The following GALNT14 variants were observed in gnomAD, a reference collection of about 807,000 sequenced individuals.
The protein encoded by GALNT14 is polypeptide N-acetylgalactosaminyltransferase 14.
GALNT14 carries 60 observed loss-of-function variants against 77.5 expected under a neutral mutation model. That is an observed-to-expected ratio of 0.77 (90% confidence interval 0.63 to 0.96). The LOEUF is 0.96. Among genes scored for constraint, GALNT14 ranks in the 40% least tolerant of loss-of-function variants. The probability of loss-of-function intolerance (pLI) is 0.00; values close to 1 mark genes in which losing one functional copy is unlikely to be tolerated. For missense variants in GALNT14, 710 were observed against 731.0 expected (o/e 0.97, Z 0.33); for synonymous variants, 280 against 281.7 (o/e 0.99, Z 0.06).
At position 30,910,956 on chromosome 2, in the gene GALNT14, A is replaced by G; in HGVS notation, c.1604T>C (p.Val535Ala). 1 of 1,613,642 alleles carries G rather than the reference A, an allele frequency of 6.2e-7. No individual in the cohort carries two copies. Among genetic ancestry groups the G allele is most frequent in the Non-Finnish European group, 8.5e-7 (1 of 1,179,956 alleles). ...CATGAGTGAGGACTCACATGGGTTG[A>G]CGACGATTTCCTTGCCGTTCTCGGT... Reference protein sequence around the residue: ...DGTENGKEIVVNPCESSLMSQ... With the variant: ...DGTENGKEIVANPCESSLMSQ... Residue 535 changes from valine (V) to alanine (A), a missense_variant, in exon 15 of 15, where the codon GTC becomes GCC. Transcript: ENST00000349752.
At chr2:31,045,883 G>A (rs866432619) in intron 1 of GALNT14, among the ~76,000 whole-genome samples, 8 of 152,074 alleles carry the variant, frequency 5.3e-5, no homozygotes, top group Admixed American at 4.6e-4. Flanking sequence ...ATCTCTGTCT[G>A]CTCTTAAGTT....
intron 1 of GALNT14, among the ~76,000 whole-genome samples, chr2:31,003,772 A>G (rs186070092): frequency 3.1e-3 from 471 of 152,320 alleles, no homozygotes; most frequent in African/African-American, 7.0e-3. Context: ...AACTGAATGG[A>G]CAGAAGCCCG....
chr2:30,970,904 T>C (rs1668310670), intron 2 of GALNT14, among the ~76,000 whole-genome samples: 1 of 152,152 alleles, frequency 6.6e-6, no homozygotes, highest in East Asian at 1.9e-4. Context: ...ACAGATGAGC[T>C]GAACTAAGGC....
chr2:31,084,477 G>T (rs1330485339), intron 1 of GALNT14, among the ~76,000 whole-genome samples: 2 of 152,222 alleles, frequency 1.3e-5, no homozygotes, highest in Admixed American at 1.3e-4. Context: ...GGCAGTTGAT[G>T]TGTCTAGCTC....
intron 1 of GALNT14, among the ~76,000 whole-genome samples, chr2:31,075,005 G>A (rs927524357): frequency 6.6e-6 from 1 of 152,208 alleles, no homozygotes; most frequent in African/African-American, 2.4e-5. Context: ...CCCAGTGTTG[G>A]AGGTGGGGCC....
chr2:30,991,467 C>T (rs188840884), intron 2 of GALNT14: 29 of 152,202 alleles, frequency 1.9e-4, no homozygotes, highest in African/African-American at 6.5e-4. Flanking sequence ...AGGAATAATA[C>T]AAGACTCTGA....
At chr2:30,906,796 C>G (rs922123520), downstream of GALNT14, among the ~76,000 whole-genome samples, 1 of 152,130 alleles carries the variant, frequency 6.6e-6, no homozygotes. Context: ...CAAAATTGAC[C>G]ACATACTTGG....
At position 30,910,717 on chromosome 2, in the gene GALNT14, CA is replaced by C; in HGVS notation, c.*183del. 1.7e-6 allele frequency: 1 copy of C among 584,596 alleles called. No individual in the cohort carries two copies. The highest frequency in any genetic ancestry group is 2.3e-5 in the South Asian group (1 of 44,260). 36.2% of individuals were successfully genotyped at this position (584,596 alleles called of 1,614,324 possible). A position where few individuals can be genotyped will look rare whatever the true frequency, so the allele number is the denominator to read the frequency against. Reference sequence around the variant, plus strand: ...ACATGTGGGATTTGTCTTTGAGCCCCATTGGCTTGTGATGTTTTCCTCTGTC... The same window carrying C: ...ACATGTGGGATTTGTCTTTGAGCCCCTTGGCTTGTGATGTTTTCCTCTGTC... On this transcript the variant is annotated 3_prime_UTR_variant, in exon 15 of 15. Coordinates refer to ENST00000349752, the MANE Select transcript of GALNT14 (RefSeq NM_024572.4).
chr2:30,980,527 A>G (rs891819463), intron 2 of GALNT14, among the ~76,000 whole-genome samples: 7 of 152,204 alleles, frequency 4.6e-5, no homozygotes, highest in Non-Finnish European at 1.0e-4. Context: ...CCTGAGGACC[A>G]TTATTATTCC....
chr2:30,910,203 A>T (rs1558393126), downstream of GALNT14, among the ~76,000 whole-genome samples: 1 of 151,856 alleles, frequency 6.6e-6, no homozygotes, highest in Non-Finnish European at 1.5e-5. Context: ...TAAAACTTAA[A>T]GTATAATAAT....
intron 1 of GALNT14, among the ~76,000 whole-genome samples, chr2:31,119,883 G>A (rs1485614221): frequency 1.5e-5 from 2 of 134,712 alleles, no homozygotes; most frequent in Non-Finnish European, 3.5e-5. Context: ...TAGGCCGGGC[G>A]CGGTGGCTCA....
chr2:30,993,039 C>T lies in GALNT14; in HGVS notation c.130-32G>A, dbSNP rs372446349. The T allele has an allele frequency of 5.6e-5, 90 of 1,608,384 alleles. No homozygotes were observed. In the Middle Eastern group the frequency reaches 9.2e-4, roughly 16 times the overall value. ...GACACGAATGGGAAGTCTGTGAGAA[C>T]GGCTCCCTGTCCTCCACTAGCCCCC... is the stretch of plus-strand genomic sequence containing the variant. On this transcript the variant is annotated intron_variant, in intron 1 of 14. Transcript: ENST00000349752.
At chr2:31,002,292 T>C (rs1262244474) in intron 1 of GALNT14, among the ~76,000 whole-genome samples, 1 of 151,642 alleles carries the variant, frequency 6.6e-6, no homozygotes, top group Non-Finnish European at 1.5e-5. Flanking sequence ...TACCCGGGCG[T>C]GGTGATGTGC....
chr2:31,037,431 T>C (rs1672807671), intron 1 of GALNT14, among the ~76,000 whole-genome samples: 1 of 152,244 alleles, frequency 6.6e-6, no homozygotes, highest in Admixed American at 6.5e-5. Flanking sequence ...CCTTTAGTTA[T>C]TTGAACATAT....
chr2:30,904,791 C>G, the GALNT14 span, among the ~76,000 whole-genome samples: 1 of 152,238 alleles, frequency 6.6e-6, no homozygotes, highest in Non-Finnish European at 1.5e-5. Flanking sequence ...GCAGTAACCT[C>G]TGCAGACTTA....
rs928901474 is a variant in GALNT14, at chr2:31,138,205, A to T, written c.-119T>A. ...CGCTCTGGGGAGCTCTAGACCCAGG[A>T]TCCGGTTGGAGGGGCGGCAGGATCC... On this transcript the variant is annotated 5_prime_UTR_variant, in exon 1 of 15. Transcript: ENST00000349752. 3.8e-6 allele frequency: 5 copies of T among 1,316,072 alleles called. No individual in the cohort carries two copies. The highest frequency in any genetic ancestry group is 1.5e-5 in the African/African-American group (1 of 67,444). 81.5% of individuals were successfully genotyped at this position (1,316,072 alleles called of 1,614,324 possible).
chr2:30,913,653 C>T (rs572412814), intron 13 of GALNT14, among the ~76,000 whole-genome samples: 18 of 152,282 alleles, frequency 1.2e-4, no homozygotes, highest in East Asian at 5.8e-4. Flanking sequence ...TGTACAATGA[C>T]GCCTGGCTCT....
intron 1 of GALNT14, among the ~76,000 whole-genome samples, chr2:30,996,604 G>T (rs916943207): frequency 2.0e-5 from 3 of 152,242 alleles, no homozygotes; most frequent in Non-Finnish European, 4.4e-5. Flanking sequence ...GCCCAAGAGG[G>T]CCCGAGGCTG....
At chr2:31,065,727 G>A (rs1396160198) in intron 1 of GALNT14, among the ~76,000 whole-genome samples, 5 of 152,124 alleles carry the variant, frequency 3.3e-5, no homozygotes, top group East Asian at 1.9e-4. Context: ...CATTCAAATC[G>A]TGCTGGGGAG....
Sources: gnomAD v4.1 joint callset for allele counts (sites outside exome capture counted in the v4.1 genomes callset) on GRCh38, gnomAD v4.1.1 for gene constraint, MANE v1.5 for transcripts, NCBI Gene and HGNC (gene_info 2026-07-23, HGNC 2026-07-21) for gene names.